PCSK5: variants seen among roughly 807,000 people sequenced by gnomAD.
The protein encoded by PCSK5 is prohormone convertase 5.
PCSK5 carries 129 observed loss-of-function variants against 233.2 expected under a neutral mutation model. That is an observed-to-expected ratio of 0.55 (90% CI 0.48 to 0.64). The LOEUF (loss-of-function observed/expected upper bound fraction) is 0.64, where lower values mean the gene tolerates loss of function less well. Among genes scored for constraint, PCSK5 ranks in the 30% least tolerant of loss-of-function variants. The pLI, the probability that PCSK5 is intolerant of heterozygous loss-of-function variation, is 0.00. For synonymous variants in PCSK5, 825 were observed against 879.2 expected (o/e 0.94, Z 1.09); for missense variants, 2,076 against 2,430.1 (o/e 0.85, Z 3.06).
chr9:76,034,602 C>G (rs955338110), intron 5 of PCSK5, among the ~76,000 whole-genome samples: 1 of 152,120 alleles, frequency 6.6e-6, no homozygotes, highest in Non-Finnish European at 1.5e-5. Flanking sequence ...GAGAATTCCT[C>G]CTTCACCTCC....
intron 24 of PCSK5, among the ~76,000 whole-genome samples, chr9:76,270,077 A>ATTTC (rs139028731): frequency 0.035 from 5,331 of 151,728 alleles, 305 homozygotes; most frequent in African/African-American, 0.12. Context: ...TGTCTCTTAG[A>ATTTC]TTTCTTTCTT....
chr9:76,042,453 C>A (rs1829161864), intron 5 of PCSK5, among the ~76,000 whole-genome samples: 1 of 152,168 alleles, frequency 6.6e-6, no homozygotes, highest in Non-Finnish European at 1.5e-5. Context: ...GAGTTCAAGA[C>A]CAGCCTGGCC....
intron 2 of PCSK5, among the ~76,000 whole-genome samples, chr9:75,984,089 A>G (rs1373735869): frequency 6.6e-6 from 1 of 152,152 alleles, no homozygotes; most frequent in Non-Finnish European, 1.5e-5. Context: ...TCTAGCCACT[A>G]AGTCCTGTAA....
chr9:76,267,578 G>A (rs967548037), intron 24 of PCSK5, among the ~76,000 whole-genome samples: 10 of 152,094 alleles, frequency 6.6e-5, no homozygotes, highest in African/African-American at 1.7e-4. Flanking sequence ...TCTTTTCTTC[G>A]TTATCACAAA....
At chr9:76,155,931 G>A (rs1822555891) in intron 10 of PCSK5, among the ~76,000 whole-genome samples, 1 of 152,168 alleles carries the variant, frequency 6.6e-6, no homozygotes, top group Non-Finnish European at 1.5e-5. Flanking sequence ...TCTGACTGGG[G>A]TCTCTAAGAG....
chr9:76,253,356 C>G (rs889269722), intron 24 of PCSK5, among the ~76,000 whole-genome samples: 33 of 151,720 alleles, frequency 2.2e-4, no homozygotes, highest in Non-Finnish European at 2.5e-4. Context: ...CTCCATTAAA[C>G]AGTTCTGTCT....
chr9:76,193,537 A>C, intron 20 of PCSK5: 1 of 516,602 alleles, frequency 1.9e-6, no homozygotes, highest in Non-Finnish European at 3.3e-6. Flanking sequence ...TCAGAACTTA[A>C]ATGGAAAAAA....
chr9:76,312,265 T>C (rs377536898), intron 30 of PCSK5, among the ~76,000 whole-genome samples: 25 of 152,266 alleles, frequency 1.6e-4, no homozygotes, highest in Middle Eastern at 6.8e-3. Flanking sequence ...AATCACAGCA[T>C]TTTGGGAGGC....
intron 20 of PCSK5, among the ~76,000 whole-genome samples, chr9:76,216,304 A>G (rs1284423486): frequency 6.6e-6 from 1 of 152,206 alleles, no homozygotes; most frequent in Non-Finnish European, 1.5e-5. Flanking sequence ...CATTCAGGAA[A>G]GGAAAAAAGA....
chr9:76,214,294 T>A (rs1587766679), intron 20 of PCSK5, among the ~76,000 whole-genome samples: 2 of 150,658 alleles, frequency 1.3e-5, no homozygotes, highest in South Asian at 2.1e-4. Context: ...CCACATTCAC[T>A]CACACACACA....
At chr9:76,350,224 C>A (rs1587365078) in intron 35 of PCSK5, among the ~76,000 whole-genome samples, 1 of 151,914 alleles carries the variant, frequency 6.6e-6, no homozygotes, top group African/African-American at 2.4e-5. Flanking sequence ...CATGTCTGGG[C>A]CTTAGTTTTC....
intron 8 of PCSK5, among the ~76,000 whole-genome samples, chr9:76,103,208 G>C (rs937195682): frequency 2.0e-5 from 3 of 152,020 alleles, no homozygotes; most frequent in Admixed American, 6.6e-5. Flanking sequence ...TTTAGTTTCT[G>C]CCCTTCTCCC....
intron 25 of PCSK5, among the ~76,000 whole-genome samples, 158 bp downstream of exon 25, chr9:76,292,433 G>A (rs10117240): frequency 1.3e-5 from 2 of 152,254 alleles, no homozygotes; most frequent in Admixed American, 6.5e-5. Context: ...TTAGCAATAA[G>A]AGCCCAGCTG....
intron 12 of PCSK5, among the ~76,000 whole-genome samples, chr9:76,161,308 G>A (rs536395479): frequency 6.6e-6 from 1 of 152,300 alleles, no homozygotes; most frequent in East Asian, 1.9e-4. Flanking sequence ...GCCCTCAGCA[G>A]GCCGCCTGCA....
At chr9:75,940,886 G>A (rs1315072892) in intron 2 of PCSK5, among the ~76,000 whole-genome samples, 1 of 152,296 alleles carries the variant, frequency 6.6e-6, no homozygotes, top group African/African-American at 2.4e-5. Context: ...ACATATAGCC[G>A]ATCTACTAGG....
chr9:75,931,248 CTTTTTTTTTTT>C (rs3074142), intron 1 of PCSK5, among the ~76,000 whole-genome samples: 1 of 130,466 alleles, frequency 7.7e-6, no homozygotes. Context: ...TGGGCCAAGA[CTTTTTTTTTTT>C]TTTTTTTTTA....
At chr9:76,040,543 A>C (rs1266054804) in intron 5 of PCSK5, among the ~76,000 whole-genome samples, 1 of 152,124 alleles carries the variant, frequency 6.6e-6, no homozygotes, top group Non-Finnish European at 1.5e-5. Context: ...TGCTTAACTC[A>C]GTCAGTTACA....
chr9:76,233,182 G>A (rs566764944), intron 21 of PCSK5, among the ~76,000 whole-genome samples: 7 of 152,284 alleles, frequency 4.6e-5, no homozygotes, highest in South Asian at 2.1e-4. Flanking sequence ...TCTGGATTTC[G>A]TCCCTGTAGG....
intron 24 of PCSK5, among the ~76,000 whole-genome samples, chr9:76,291,426 A>G (rs1828274262): frequency 6.6e-6 from 1 of 152,244 alleles, no homozygotes; most frequent in Non-Finnish European, 1.5e-5. Context: ...CTATTAAAAT[A>G]AGAAGAGCAA....
Sources: gnomAD v4.1 joint callset for allele counts (sites outside exome capture counted in the v4.1 genomes callset) on GRCh38, gnomAD v4.1.1 for gene constraint, MANE v1.5 for transcripts, NCBI Gene and HGNC (gene_info 2026-07-23, HGNC 2026-07-21) for gene names.